MTCL2: variants seen among roughly 807,000 people sequenced by gnomAD.
MTCL2 encodes microtubule cross-linking factor 2.
At chr20:36,792,101 A>G in the MTCL2 span, among the ~76,000 whole-genome samples, 722 of 152,316 alleles carry the variant, frequency 4.7e-3, 8 homozygotes, top group African/African-American at 0.017. Flanking sequence ...GCTAATGTTT[A>G]ACAATTAGTT....
the MTCL2 span, chr20:36,785,747 C>T: frequency 1.0e-6 from 1 of 985,364 alleles, no homozygotes; most frequent in Non-Finnish European, 1.2e-6. Context: ...GGCCCCAAGT[C>T]ACTTTGGCAA....
At chr20:36,821,632 T>G in the MTCL2 span, among the ~76,000 whole-genome samples, 2 of 152,150 alleles carry the variant, frequency 1.3e-5, no homozygotes, top group South Asian at 4.2e-4. Flanking sequence ...GTGGGAGAAT[T>G]GCTTGAGCCC....
the MTCL2 span, among the ~76,000 whole-genome samples, chr20:36,855,380 GGCT>G: frequency 6.6e-6 from 1 of 152,182 alleles, no homozygotes; most frequent in Non-Finnish European, 1.5e-5. Context: ...GAGAACAAAG[GGCT>G]GGCCTGCTGC....
At chr20:36,794,431 G>A in the MTCL2 span, 3 of 1,614,036 alleles carry the variant, frequency 1.9e-6, no homozygotes, top group Non-Finnish European at 2.5e-6. The surrounding 1 kb of genome is among the most constrained non-coding windows in gnomAD (Gnocchi z 5.4). Context: ...CCCTCGACGA[G>A]AGCCCAGGCT....
chr20:36,811,782 CAT>C, the MTCL2 span, among the ~76,000 whole-genome samples: 1 of 152,190 alleles, frequency 6.6e-6, no homozygotes, highest in Non-Finnish European at 1.5e-5. Context: ...CTCCTTCCCA[CAT>C]AGTCATGGGC....
the MTCL2 span, chr20:36,816,249 A>G: frequency 1.2e-6 from 2 of 1,610,702 alleles, no homozygotes; most frequent in Admixed American, 1.7e-5. Flanking sequence ...CTTCTTGCAC[A>G]TGAGGGCTGA....
the MTCL2 span, among the ~76,000 whole-genome samples, chr20:36,853,581 C>G: frequency 6.6e-6 from 1 of 152,130 alleles, no homozygotes. Flanking sequence ...ATCCCCATTT[C>G]ACAGACAAGC....
At chr20:36,822,968 A>C in the MTCL2 span, among the ~76,000 whole-genome samples, 2 of 152,326 alleles carry the variant, frequency 1.3e-5, no homozygotes, top group East Asian at 3.9e-4. Context: ...CATGTTGCCC[A>C]GGCTGGTCTC....
At chr20:36,814,649 G>C in the MTCL2 span, among the ~76,000 whole-genome samples, 1 of 152,182 alleles carries the variant, frequency 6.6e-6, no homozygotes, top group African/African-American at 2.4e-5. Context: ...AACTTTGGGA[G>C]ACAAAGGCGG....
the MTCL2 span, among the ~76,000 whole-genome samples, chr20:36,847,525 C>G: frequency 6.6e-6 from 1 of 152,170 alleles, no homozygotes; most frequent in African/African-American, 2.4e-5. Flanking sequence ...GAGCAGGTAC[C>G]TGTCACTGTC....
the MTCL2 span, chr20:36,780,301 G>A: frequency 1.3e-5 from 2 of 152,160 alleles, no homozygotes; most frequent in Non-Finnish European, 1.5e-5. Flanking sequence ...CCAGGGACTG[G>A]GGACAGGGGG....
chr20:36,854,273 G>A, the MTCL2 span, among the ~76,000 whole-genome samples: 2 of 152,158 alleles, frequency 1.3e-5, no homozygotes, highest in Non-Finnish European at 2.9e-5. Context: ...GAAGGTCCCT[G>A]CCCTCATGCA....
the MTCL2 span, among the ~76,000 whole-genome samples, chr20:36,795,831 T>C: frequency 2.7e-5 from 4 of 150,332 alleles, no homozygotes; most frequent in Non-Finnish European, 5.9e-5. Context: ...AAGCTAGAGA[T>C]AGCACAGAGT....
the MTCL2 span, among the ~76,000 whole-genome samples, chr20:36,861,788 G>A: frequency 6.6e-6 from 1 of 152,140 alleles, no homozygotes; most frequent in Admixed American, 6.5e-5. Context: ...ACCTGGAAGC[G>A]TGCAGATGGA....
the MTCL2 span, among the ~76,000 whole-genome samples, chr20:36,832,075 T>C: frequency 4.6e-5 from 7 of 152,340 alleles, no homozygotes; most frequent in Admixed American, 1.3e-4. Context: ...AGGCACACAC[T>C]AAGTGCCTAA....
At chr20:36,785,704 T>A in the MTCL2 span, 3 of 985,464 alleles carry the variant, frequency 3.0e-6, no homozygotes, top group Non-Finnish European at 3.6e-6. Context: ...CTCTACCTAT[T>A]TCTGTCCTCA....
the MTCL2 span, chr20:36,815,677 T>A: frequency 6.2e-7 from 1 of 1,607,590 alleles, no homozygotes; most frequent in Non-Finnish European, 8.5e-7. This position sits in a 1 kb window ranked among gnomAD's most constrained non-coding sequence, Gnocchi z 5.3. Context: ...TACTGCAGCT[T>A]CTTGACCTTG....
the MTCL2 span, among the ~76,000 whole-genome samples, chr20:36,852,827 C>A: frequency 6.6e-5 from 10 of 152,162 alleles, 1 homozygote; most frequent in South Asian, 2.1e-3. Context: ...GAGGCTGAGG[C>A]GGGTGGATCA....
the MTCL2 span, chr20:36,797,502 C>A: frequency 6.4e-7 from 1 of 1,553,700 alleles, no homozygotes; most frequent in Non-Finnish European, 8.7e-7. Context: ...CCCCACTCAC[C>A]TCCTTCCAGC....
Sources: gnomAD v4.1 joint callset for allele counts (sites outside exome capture counted in the v4.1 genomes callset) on GRCh38, gnomAD v4.1.1 for gene constraint, Gnocchi (gnomAD v3.1) non-coding constraint, MANE v1.5 for transcripts, NCBI Gene and HGNC (gene_info 2026-07-23, HGNC 2026-07-21) for gene names.